SYT1: variants seen among roughly 807,000 people sequenced by gnomAD.
The protein encoded by SYT1 is synaptotagmin-1.
Under a neutral mutation model 44.8 loss-of-function variants are expected in SYT1, and 8 were observed. That is an observed-to-expected ratio of 0.18 (90% CI 0.10 to 0.32). The LOEUF (loss-of-function observed/expected upper bound fraction) is 0.32, where lower values mean the gene tolerates loss of function less well. Ranked by LOEUF, SYT1 falls within the 10% of genes least tolerant of loss-of-function variation. SYT1 has a pLI of 1.00. For missense variants in SYT1, 286 were observed against 509.3 expected (o/e 0.56, Z 4.22); for synonymous variants, 154 against 188.8 (o/e 0.82, Z 1.51).
chr12:79,345,921 C>T (rs1488542123), intron 8 of SYT1, among the ~76,000 whole-genome samples: 2 of 152,142 alleles, frequency 1.3e-5, no homozygotes, highest in African/African-American at 2.4e-5. Flanking sequence ...ACAAGACTCC[C>T]AACCTCAGAG....
chr12:79,280,114 T>A (rs1395145964), intron 4 of SYT1, among the ~76,000 whole-genome samples: 1 of 151,756 alleles, frequency 6.6e-6, no homozygotes, highest in African/African-American at 2.4e-5. Flanking sequence ...AGTATCAACA[T>A]CATTTTTCAC....
chr12:78,954,043 A>G (rs1879098374), intron 1 of SYT1, among the ~76,000 whole-genome samples: 1 of 152,102 alleles, frequency 6.6e-6, no homozygotes, highest in Non-Finnish European at 1.5e-5. Flanking sequence ...CTACTTAGAG[A>G]ATCAGAGAGA....
At chr12:79,275,812 G>A (rs2138788572) in intron 4 of SYT1, among the ~76,000 whole-genome samples, 1 of 152,260 alleles carries the variant, frequency 6.6e-6, no homozygotes, top group East Asian at 1.9e-4. Context: ...TGAGGGTGTG[G>A]GGAGGGAAGT....
intron 3 of SYT1, among the ~76,000 whole-genome samples, chr12:79,140,727 G>A (rs1869504595): frequency 6.6e-6 from 1 of 152,128 alleles, no homozygotes; most frequent in Non-Finnish European, 1.5e-5. Flanking sequence ...GCTGAAGTTT[G>A]GAAATCATTG....
At chr12:79,160,518 G>A (rs1285198500) in intron 3 of SYT1, among the ~76,000 whole-genome samples, 1 of 152,138 alleles carries the variant, frequency 6.6e-6, no homozygotes, top group Admixed American at 6.6e-5. Flanking sequence ...CTGTGAAGAT[G>A]TCATTTCTAG....
intron 9 of SYT1, among the ~76,000 whole-genome samples, chr12:79,439,545 G>C (rs1870283016): frequency 6.6e-6 from 1 of 152,148 alleles, no homozygotes; most frequent in Non-Finnish European, 1.5e-5. Flanking sequence ...TACCAATTCA[G>C]CAAAGTGAGT....
chr12:78,940,479 T>C (rs967803451), intron 1 of SYT1, among the ~76,000 whole-genome samples: 1 of 152,110 alleles, frequency 6.6e-6, no homozygotes, highest in East Asian at 1.9e-4. Context: ...AGCCTCAAAC[T>C]CCTGAGCTCA....
At chr12:79,129,323 A>G (rs571607328) in intron 3 of SYT1, among the ~76,000 whole-genome samples, 1 of 152,348 alleles carries the variant, frequency 6.6e-6, no homozygotes, top group East Asian at 1.9e-4. Flanking sequence ...TATGAGATGC[A>G]ATGGAAAACA....
At chr12:78,900,514 G>A (rs1268591816) in intron 1 of SYT1, among the ~76,000 whole-genome samples, 2 of 152,014 alleles carry the variant, frequency 1.3e-5, no homozygotes, top group African/African-American at 4.8e-5. Context: ...GCCATTACAA[G>A]ATTGTGAGTC....
chr12:78,958,922 C>T (rs1010565034), intron 1 of SYT1, among the ~76,000 whole-genome samples: 5 of 151,986 alleles, frequency 3.3e-5, no homozygotes, highest in African/African-American at 1.2e-4. Flanking sequence ...CATAAATATT[C>T]TTATAATATG....
intron 3 of SYT1, among the ~76,000 whole-genome samples, chr12:79,179,506 GATAT>G (rs1295991599): frequency 2.5e-4 from 23 of 90,720 alleles, no homozygotes; most frequent in Non-Finnish European, 3.4e-4. Flanking sequence ...TATAGATATA[GATAT>G]AGATATATCT....
intron 2 of SYT1, among the ~76,000 whole-genome samples, chr12:79,047,051 CT>C (rs990798208): frequency 6.6e-6 from 1 of 151,780 alleles, no homozygotes; most frequent in African/African-American, 2.4e-5. Flanking sequence ...GCATAATTGA[CT>C]TTTCATAAAA....
intron 3 of SYT1, among the ~76,000 whole-genome samples, chr12:79,104,078 T>C (rs988934793): frequency 6.6e-6 from 1 of 152,110 alleles, no homozygotes; most frequent in East Asian, 1.9e-4. Context: ...GAAAATAGTG[T>C]TTTTCTTGCA....
At position 79,085,100 on chromosome 12, in the gene SYT1, G is replaced by T. The variant is rs1444157269; in HGVS notation, c.-18+37738G>T. Among the ~76,000 whole-genome samples the T allele has an allele frequency of 3.9e-5, 6 of 152,106 alleles. No homozygotes were observed. In the East Asian group the frequency reaches 1.2e-3, roughly 29 times the overall value. ...GTGTATGTTGAACTATCAGAAAGCAGAGGTGTCACTGTCTCAGCCACCTAT... is the reference window on the plus strand; with the variant it reads ...GTGTATGTTGAACTATCAGAAAGCATAGGTGTCACTGTCTCAGCCACCTAT... On this transcript the variant is annotated intron_variant, in intron 3 of 10. Transcript: ENST00000261205.
intron 3 of SYT1, among the ~76,000 whole-genome samples, chr12:79,159,735 C>T (rs1245306695): frequency 2.0e-5 from 3 of 152,048 alleles, no homozygotes; most frequent in Admixed American, 6.6e-5. Flanking sequence ...AAACCATTAG[C>T]ATGTTTCATC....
chr12:78,904,431 A>G lies in SYT1; in HGVS notation c.-217+39322A>G, dbSNP rs191158385. On this transcript the variant is annotated intron_variant, in intron 1 of 10. Transcript: ENST00000261205. ...CACCTACTCTGGAAAAAAATAATGT[A>G]CTGGATCTTTGGAGAACATGGATGT... Among the ~76,000 whole-genome samples, 746 of 152,244 alleles carry G rather than the reference A, an allele frequency of 4.9e-3. 5 individuals are homozygous for G. Among genetic ancestry groups the G allele is most frequent in the Admixed American group, 9.2e-3 (140 of 15,276 alleles).
chr12:78,896,250 T>C (rs1394345724), intron 1 of SYT1, among the ~76,000 whole-genome samples: 3 of 151,788 alleles, frequency 2.0e-5, no homozygotes, highest in Admixed American at 2.0e-4. Flanking sequence ...CCTATTTCTA[T>C]GGTTTTGCTA....
intron 8 of SYT1, among the ~76,000 whole-genome samples, chr12:79,330,749 CCACAGAACGGTCCTTT>C (rs1881818079): frequency 6.6e-6 from 1 of 152,130 alleles, no homozygotes; most frequent in Admixed American, 6.6e-5. Flanking sequence ...TCCGTTAAAT[CCACAGAACGGTCCTTT>C]CACTTAGGTA....
intron 9 of SYT1, among the ~76,000 whole-genome samples, chr12:79,399,729 C>G (rs570788152): frequency 6.6e-6 from 1 of 152,142 alleles, no homozygotes; most frequent in South Asian, 2.1e-4. Context: ...ATCTGGAGGT[C>G]TTGTTAAAAT....
Sources: allele counts gnomAD v4.1 joint callset (sites outside exome capture counted in the v4.1 genomes callset), GRCh38; gene constraint gnomAD v4.1.1; transcripts MANE v1.5; gene names NCBI Gene and HGNC (gene_info 2026-07-23, HGNC 2026-07-21).